Variants in DHX35 observed in about 807,000 individuals in gnomAD.
The protein encoded by DHX35 is DEAH-box helicase 35, also known as probable ATP-dependent RNA helicase DHX35.
DHX35 carries 84 observed loss-of-function variants against 99.6 expected under a neutral mutation model. The ratio of observed to expected loss-of-function variants is 0.84; its 90% CI spans 0.71 to 1.01. The LOEUF is 1.01. Among genes scored for constraint, DHX35 ranks in the 50% least tolerant of loss-of-function variants. The pLI, the probability that DHX35 is intolerant of heterozygous loss-of-function variation, is 0.00. For synonymous variants in DHX35, 331 were observed against 316.2 expected (o/e 1.05, Z -0.50); for missense variants, 852 against 888.5 (o/e 0.96, Z 0.52).
intron 12 of DHX35, among the ~76,000 whole-genome samples, chr20:39,007,957 C>T (rs983380667): frequency 2.0e-5 from 3 of 152,214 alleles, no homozygotes; most frequent in African/African-American, 7.2e-5. Flanking sequence ...TTATTATATT[C>T]ACAATGTTGT....
Position 39,030,763 on chromosome 20 carries a change from A to G in DHX35, c.1943A>G (p.Lys648Arg). The G allele has an allele frequency of 6.2e-7, 1 of 1,614,184 alleles. No individual in the cohort carries two copies. Among genetic ancestry groups the G allele is most frequent in the Non-Finnish European group, 8.5e-7 (1 of 1,180,038 alleles). ...IHPASVLYAE[K>R]PPRWVIYNEV... ...CCTGCGTCAGTCCTCTATGCAGAGA[A>G]GCCGCCTCGCTGGTAAGCTCATCCT... The change falls in exon 20 of 22, where the codon AAG (lysine) becomes AGG (arginine). Residue 648 changes from lysine to arginine, a missense_variant. Physicochemically the swap from Lys to Arg is conservative, Grantham distance 26. Transcript: ENST00000252011.
chr20:38,988,942 T>C, intron 5 of DHX35, 25 bp downstream of exon 5: 2 of 1,606,002 alleles, frequency 1.2e-6, no homozygotes, highest in Non-Finnish European at 1.7e-6. Flanking sequence ...CTGCTTTTCC[T>C]AGTGGAAATA....
In DHX35 at chr20:38,964,709, G is replaced by A. The variant is rs373357913; in HGVS notation, c.40+2302G>A. On this transcript the variant is annotated intron_variant, in intron 1 of 21. Transcript: ENST00000252011. ...CTCCCAAAGTGTTGGGATTACAGGCGTGAGCCACTGGGCCTGGCCTGACTT... is the reference window on the plus strand; with the variant it reads ...CTCCCAAAGTGTTGGGATTACAGGCATGAGCCACTGGGCCTGGCCTGACTT... Among the ~76,000 whole-genome samples, 27 of 152,300 alleles carry A rather than the reference G, an allele frequency of 1.8e-4. 1 individual carries two copies. The highest frequency in any genetic ancestry group is 6.3e-4 in the African/African-American group (26 of 41,566).
intron 2 of DHX35, among the ~76,000 whole-genome samples, chr20:38,971,859 A>G (rs2086001988): frequency 1.3e-5 from 2 of 152,082 alleles, no homozygotes; most frequent in South Asian, 2.1e-4. Flanking sequence ...TGATTTAACC[A>G]AACTTTTGTT....
chr20:39,005,143 AAAT>A (rs2086592692), intron 11 of DHX35, among the ~76,000 whole-genome samples: 1 of 152,214 alleles, frequency 6.6e-6, no homozygotes, highest in African/African-American at 2.4e-5. Flanking sequence ...ATCATTTATA[AAAT>A]AATTTTTATA....
At chr20:39,037,462 G>A (rs1013425725) in intron 21 of DHX35, among the ~76,000 whole-genome samples, 3 of 152,114 alleles carry the variant, frequency 2.0e-5, no homozygotes, top group Admixed American at 6.5e-5. Context: ...GGTCCTGTTC[G>A]CTCTGTTGTC....
At chr20:39,023,077 TG>T (rs2086898099) in intron 16 of DHX35, among the ~76,000 whole-genome samples, 1 of 152,230 alleles carries the variant, frequency 6.6e-6, no homozygotes, top group African/African-American at 2.4e-5. Flanking sequence ...TGTTTAGTTT[TG>T]TTTTTAATTA....
rs376992581 is a variant in DHX35 at position 38,967,144 on chromosome 20, C to A, written c.41-1937C>A. Among the ~76,000 whole-genome samples the A allele has an allele frequency of 1.3e-4, 19 of 146,562 alleles. No individual in the cohort carries two copies. The South Asian group carries it at 2.0e-3, about 15-fold the overall frequency. ...GCTCTAGGGGGTCTACGGACCCCCC[C>A]GAATTTTATATTCTGGTAAATTCTG... On this transcript the variant is annotated intron_variant, in intron 1 of 21. Coordinates refer to ENST00000252011, the MANE Select transcript of DHX35 (RefSeq NM_021931.4).
At chr20:38,981,077 A>G (rs2086164553) in intron 3 of DHX35, among the ~76,000 whole-genome samples, 1 of 152,242 alleles carries the variant, frequency 6.6e-6, no homozygotes, top group African/African-American at 2.4e-5. Context: ...CATCATTTCA[A>G]GGGTTCATAA....
intron 3 of DHX35, among the ~76,000 whole-genome samples, chr20:38,982,443 T>C (rs992346716): frequency 1.3e-5 from 2 of 152,230 alleles, no homozygotes; most frequent in Admixed American, 6.5e-5. Context: ...ATTTGTAGTA[T>C]AGAAAGGGTC....
intron 5 of DHX35, among the ~76,000 whole-genome samples, chr20:38,990,399 T>C (rs1353968815): frequency 6.6e-6 from 1 of 152,212 alleles, no homozygotes; most frequent in South Asian, 2.1e-4. Context: ...TGTTACTGTA[T>C]GTGTCTGAAG....
At chr20:38,978,153 C>T (rs1601374616) in intron 3 of DHX35, 2 of 884,308 alleles carry the variant, frequency 2.3e-6, no homozygotes, top group African/African-American at 1.6e-5. Flanking sequence ...TTTCAAAGCC[C>T]CTAAGGGAAA....
At chr20:38,993,800 C>A (rs2086379596) in intron 7 of DHX35, among the ~76,000 whole-genome samples, 1 of 150,434 alleles carries the variant, frequency 6.6e-6, no homozygotes, top group African/African-American at 2.5e-5. Flanking sequence ...GCAGAGAGTT[C>A]TTTTAGACAT....
chr20:39,033,836 C>T (rs934508864), intron 20 of DHX35, among the ~76,000 whole-genome samples: 5 of 152,208 alleles, frequency 3.3e-5, no homozygotes, highest in East Asian at 3.8e-4. Flanking sequence ...TGTCTCTTTA[C>T]AGTCAGTTCC....
At chr20:38,970,590 G>T (rs1462194501) in intron 2 of DHX35, among the ~76,000 whole-genome samples, 1 of 152,198 alleles carries the variant, frequency 6.6e-6, no homozygotes, top group Non-Finnish European at 1.5e-5. Context: ...TGTGTGCTGT[G>T]TGACCTCACT....
intron 2 of DHX35, among the ~76,000 whole-genome samples, chr20:38,969,491 A>G (rs182379436): frequency 6.6e-6 from 1 of 152,304 alleles, no homozygotes; most frequent in East Asian, 1.9e-4. Flanking sequence ...GCTGTGGACA[A>G]TTTCAGATAT....
At chr20:38,972,000 T>G (rs2086005543) in intron 2 of DHX35, among the ~76,000 whole-genome samples, 1 of 131,728 alleles carries the variant, frequency 7.6e-6, no homozygotes, top group Admixed American at 8.0e-5. Flanking sequence ...TTTTGTTTTG[T>G]TTTGTTTTTT....
chr20:38,981,482 A>G (rs2086171362), intron 3 of DHX35, among the ~76,000 whole-genome samples: 1 of 152,096 alleles, frequency 6.6e-6, no homozygotes, highest in Non-Finnish European at 1.5e-5. Context: ...AGATTGTTTC[A>G]TCTTTGAACA....
At chr20:38,999,180 T>C (rs2086478184) in intron 8 of DHX35, among the ~76,000 whole-genome samples, 1 of 152,062 alleles carries the variant, frequency 6.6e-6, no homozygotes, top group South Asian at 2.1e-4. Flanking sequence ...CTAACAAAAT[T>C]GTCAAGGCAT....
Sources: allele counts gnomAD v4.1 joint callset (sites outside exome capture counted in the v4.1 genomes callset), GRCh38; gene constraint gnomAD v4.1.1; transcripts MANE v1.5; gene names NCBI Gene and HGNC (gene_info 2026-07-23, HGNC 2026-07-21).